Variants in KIF1B observed in about 807,000 individuals in gnomAD.
KIF1B encodes the protein kinesin-like protein KIF1B.
Under a neutral mutation model 241.9 loss-of-function variants are expected in KIF1B, and 76 were observed. The ratio of observed to expected loss-of-function variants is 0.31; its 90% confidence interval spans 0.26 to 0.38. The LOEUF is 0.38. KIF1B is among the 10% of genes least tolerant of loss of function. The pLI is 1.00. For synonymous variants in KIF1B, 750 were observed against 796.7 expected (o/e 0.94, Z 0.99); for missense variants, 1,622 against 2,271.4 (o/e 0.71, Z 5.81).
At chr1:10,281,682 C>T (rs750483348) in intron 14 of KIF1B, among the ~76,000 whole-genome samples, 3 of 152,176 alleles carry the variant, frequency 2.0e-5, no homozygotes, top group Non-Finnish European at 4.4e-5. Context: ...GAGTTTTTAA[C>T]CAGGACTTAT....
intron 1 of KIF1B, among the ~76,000 whole-genome samples, chr1:10,226,927 C>T (rs1427630464): frequency 6.6e-6 from 1 of 151,844 alleles, no homozygotes; most frequent in East Asian, 1.9e-4. Context: ...GAGATCATGC[C>T]ACTGCACTCC....
intron 2 of KIF1B, among the ~76,000 whole-genome samples, chr1:10,246,276 G>A (rs1404502731): frequency 4.0e-5 from 6 of 151,878 alleles, no homozygotes; most frequent in African/African-American, 1.5e-4. Context: ...TACCTTCTCC[G>A]TTTTTCTCAT....
chr1:10,243,226 G>A (rs1460579616), intron 2 of KIF1B, among the ~76,000 whole-genome samples: 1 of 152,076 alleles, frequency 6.6e-6, no homozygotes, highest in Non-Finnish European at 1.5e-5. Context: ...AGACCAGACT[G>A]GCCAACATGG....
chr1:10,346,785 G>A (rs1652606509), intron 35 of KIF1B, among the ~76,000 whole-genome samples: 1 of 152,246 alleles, frequency 6.6e-6, no homozygotes, highest in South Asian at 2.1e-4. Flanking sequence ...TAGAAGGGCA[G>A]AATATTTTCC....
intron 31 of KIF1B, among the ~76,000 whole-genome samples, chr1:10,339,038 T>C (rs893194761): frequency 7.2e-5 from 11 of 152,210 alleles, no homozygotes; most frequent in Non-Finnish European, 1.6e-4. Flanking sequence ...AATCTTTGTG[T>C]TGGGTCCTCT....
intron 22 of KIF1B, among the ~76,000 whole-genome samples, chr1:10,309,506 C>T (rs1430928210): frequency 1.4e-5 from 2 of 147,968 alleles, no homozygotes; most frequent in Non-Finnish European, 2.9e-5. Flanking sequence ...GGATATTTTC[C>T]TTCCAGCTAT....
chr1:10,325,016 A>ATAT, intron 26 of KIF1B, 121 bp downstream of exon 26: 1 of 1,083,940 alleles, frequency 9.2e-7, no homozygotes, highest in South Asian at 1.3e-5. Flanking sequence ...GGCCTTATCT[A>ATAT]TAATCTTATC....
At chr1:10,358,915 T>C (rs115928601) in intron 38 of KIF1B, among the ~76,000 whole-genome samples, 4,398 of 152,288 alleles carry the variant, frequency 0.029, 66 homozygotes, top group African/African-American at 0.038. Flanking sequence ...TTGGGTCACT[T>C]GGTGGCTTTG....
intron 22 of KIF1B, among the ~76,000 whole-genome samples, chr1:10,301,023 A>G (rs990653994): frequency 6.6e-6 from 1 of 152,186 alleles, no homozygotes; most frequent in Non-Finnish European, 1.5e-5. Flanking sequence ...TGTTCCTTAG[A>G]AAGTGACTAT....
chr1:10,366,799 C>T (rs1479560188), intron 43 of KIF1B, among the ~76,000 whole-genome samples: 9 of 151,852 alleles, frequency 5.9e-5, no homozygotes, highest in Non-Finnish European at 1.2e-4. Flanking sequence ...GGTGAAACCC[C>T]GTGTCTACTA....
chr1:10,307,292 C>A lies in KIF1B; in HGVS notation c.2115+10046C>A, dbSNP rs142468272. The A allele has an allele frequency of 2.3e-5, 23 of 1,016,338 alleles. No individual in the cohort carries two copies. The East Asian group carries it at 1.4e-3, about 62-fold the overall frequency. 63.0% of individuals were successfully genotyped at this position (1,016,338 alleles called of 1,614,324 possible). The stretch of plus-strand genomic sequence containing the variant: ...GCTTTTGTGAGCTCTTGGTATGGCC[C>A]ATATTACTTTGTTTTTTGTTTTTGT... On this transcript the variant is annotated intron_variant, in intron 22 of 48. Coordinates refer to ENST00000676179, the MANE Select transcript of KIF1B (RefSeq NM_001365951.3).
At chr1:10,363,199 A>C (rs561160022) in intron 40 of KIF1B, 84 bp from the exon 41 acceptor site, 1 of 976,846 alleles carries the variant, frequency 1.0e-6, no homozygotes, top group Non-Finnish European at 1.6e-6. Context: ...TGCAGAGAAG[A>C]CACTATTTTA....
chr1:10,342,732 A>G (rs149611405), intron 33 of KIF1B, among the ~76,000 whole-genome samples: 1 of 152,336 alleles, frequency 6.6e-6, no homozygotes, highest in Admixed American at 6.5e-5. Context: ...AAAACATGCT[A>G]TTGATACCAA....
At chr1:10,311,989 G>A (rs1307377671) in intron 22 of KIF1B, among the ~76,000 whole-genome samples, 4 of 151,420 alleles carry the variant, frequency 2.6e-5, no homozygotes, top group African/African-American at 9.8e-5. Flanking sequence ...AGTGTAACAC[G>A]GCTACTCAGC....
intron 24 of KIF1B, 76 bp from the exon 25 acceptor site, chr1:10,323,808 G>A (rs1035590543): frequency 5.0e-5 from 61 of 1,209,560 alleles, no homozygotes; most frequent in Non-Finnish European, 7.2e-5. Flanking sequence ...TTTCCCATTG[G>A]GTATGATTGT....
chr1:10,355,393 C>T (rs1347399633), intron 38 of KIF1B: 1 of 152,372 alleles, frequency 6.6e-6, no homozygotes, highest in Non-Finnish European at 1.5e-5. Flanking sequence ...AAGGATATTC[C>T]TAGGTATTGT....
chr1:10,305,471 A>T lies in KIF1B; in HGVS notation c.2115+8225A>T, dbSNP rs1569781479. 2.8e-6 allele frequency: 3 copies of T among 1,059,668 alleles called. No homozygotes were observed. In the East Asian group the frequency reaches 1.6e-4, roughly 55 times the overall value. 65.6% of individuals were successfully genotyped at this position (1,059,668 alleles called of 1,614,324 possible). On this transcript the variant is annotated intron_variant, in intron 22 of 48. Coordinates refer to ENST00000676179, the MANE Select transcript of KIF1B (RefSeq NM_001365951.3). ...ATGCCAACAGAAATACCAACAAAAAACTTGTGTAGCTTGTAAGGAGGTTAT... is the reference window on the plus strand; with the variant it reads ...ATGCCAACAGAAATACCAACAAAAATCTTGTGTAGCTTGTAAGGAGGTTAT...
At chr1:10,252,405 T>C (rs534026769) in intron 2 of KIF1B, among the ~76,000 whole-genome samples, 6 of 151,688 alleles carry the variant, frequency 4.0e-5, no homozygotes, top group Non-Finnish European at 7.4e-5. Context: ...GTTGTTGTTG[T>C]TGTTGTTGTT....
chr1:10,271,695 C>A, intron 8 of KIF1B, 116 bp downstream of exon 8: 1 of 768,658 alleles, frequency 1.3e-6, no homozygotes, highest in East Asian at 2.6e-5. Flanking sequence ...TCTATGGCTG[C>A]TTTTGCACTA....
Sources: gnomAD v4.1 joint callset for allele counts (sites outside exome capture counted in the v4.1 genomes callset) on GRCh38, gnomAD v4.1.1 for gene constraint, MANE v1.5 for transcripts, NCBI Gene and HGNC (gene_info 2026-07-23, HGNC 2026-07-21) for gene names.